Variants in ARHGEF10L observed in about 807,000 individuals in gnomAD.
ARHGEF10L encodes Rho guanine nucleotide exchange factor 10 like.
In ARHGEF10L, 69 loss-of-function variants were observed where a neutral mutation model predicts 141.2. That is an observed-to-expected ratio of 0.49 (90% CI 0.40 to 0.60). The LOEUF is 0.60. ARHGEF10L is among the 20% of genes least tolerant of loss of function. The probability of loss-of-function intolerance (pLI) is 0.00; values close to 1 mark genes in which losing one functional copy is unlikely to be tolerated. For missense variants in ARHGEF10L, 1,482 were observed against 1,734.3 expected, an observed-to-expected ratio of 0.85 and a Z score of 2.58; for synonymous variants, 711 against 718.5, an observed-to-expected ratio of 0.99 and a Z score of 0.17.
In ARHGEF10L at chr1:17,558,338, A is replaced by G. The variant is rs533498312; in HGVS notation, c.-44+18388A>G. Among the ~76,000 whole-genome samples, 21 of 152,302 alleles carry G rather than the reference A, an allele frequency of 1.4e-4. No homozygotes were observed. The highest frequency in any genetic ancestry group is 4.6e-4 in the African/African-American group (19 of 41,562). On this transcript the variant is annotated intron_variant, in intron 1 of 28. Coordinates refer to ENST00000361221, the MANE Select transcript of ARHGEF10L (RefSeq NM_018125.4). This position sits in a 1 kb window ranked among gnomAD's most constrained non-coding sequence, Gnocchi z 4.2. ...CCATCATCTCTTGAATCTCTTCGGC[A>G]TGCTAAGGACTGCCCTGGGTATTGG...
At position 17,607,948 on chromosome 1, in the gene ARHGEF10L, G is replaced by T; in HGVS notation, c.580G>T (p.Ala194Ser). 1 of 1,440,744 alleles carries T rather than the reference G, an allele frequency of 6.9e-7. No homozygotes were observed. Among genetic ancestry groups the T allele is most frequent in the Admixed American group, 2.5e-5 (1 of 39,774 alleles). 89.2% of individuals were successfully genotyped at this position (1,440,744 alleles called of 1,614,324 possible). A position where few individuals can be genotyped will look rare whatever the true frequency, so the allele number is the denominator to read the frequency against. The part of the protein sequence containing the change: ...EAKPEVEVEP[A>S]KHRVSFQPKL... ...CAAGCCGGAGGTCGAGGTCGAGCCC[G>T]CCAAGCACCGAGTGTCCTTCCAGCC... Residue 194 changes from alanine (A) to serine (S), a missense_variant, in exon 7 of 29, where the codon GCC becomes TCC. Ala to Ser is a moderately conservative substitution (Grantham distance 99). Around this residue, in one of 3 missense-constraint regions of ARHGEF10L, gnomAD observed 392 missense variants for 542.1 expected, o/e 0.72. Coordinates refer to ENST00000361221, the MANE Select transcript of ARHGEF10L (RefSeq NM_018125.4). This position sits in a 1 kb window ranked among gnomAD's most constrained non-coding sequence, Gnocchi z 4.5.
the ARHGEF10L span, among the ~76,000 whole-genome samples, chr1:17,524,364 TACACACACACACACACACACACACACAC>T: frequency 5.2e-5 from 6 of 116,030 alleles, no homozygotes; most frequent in South Asian, 3.2e-4. Flanking sequence ...ACCCCGTCTC[TACACACACACACACACACACACACACAC>T]ACACACACAC....
intron 1 of ARHGEF10L, among the ~76,000 whole-genome samples, chr1:17,549,574 G>A (rs1050372296): frequency 9.9e-5 from 15 of 152,108 alleles, no homozygotes; most frequent in African/African-American, 3.4e-4. Context: ...CCCCTGCAAG[G>A]ATCTGAGGGA....
chr1:17,523,619 G>A, the ARHGEF10L span, among the ~76,000 whole-genome samples: 1 of 152,140 alleles, frequency 6.6e-6, no homozygotes, highest in Non-Finnish European at 1.5e-5. Flanking sequence ...ACCACCCAAG[G>A]TCACACACTG....
the ARHGEF10L span, among the ~76,000 whole-genome samples, chr1:17,526,909 G>GA: frequency 7.7e-5 from 11 of 142,506 alleles, no homozygotes; most frequent in East Asian, 4.1e-4. Context: ...GTCTCCAAAA[G>GA]AAAAAAAAAA....
chr1:17,623,416 G>A lies in ARHGEF10L; in HGVS notation c.1200+241G>A, dbSNP rs1183808377. 6.6e-6 allele frequency among the ~76,000 whole-genome samples: 1 copy of A among 152,156 alleles called. No individual in the cohort carries two copies. Among genetic ancestry groups the A allele is most frequent in the Non-Finnish European group, 1.5e-5 (1 of 68,022 alleles). Reference sequence around the variant, plus strand: ...GCTGATGAAGCCAGGTGGCTGTCCTGGCTCCTCCCAGGTGGCAGCACCCCC... The same window carrying A: ...GCTGATGAAGCCAGGTGGCTGTCCTAGCTCCTCCCAGGTGGCAGCACCCCC... On this transcript the variant is annotated intron_variant, in intron 12 of 28. Coordinates refer to ENST00000361221, the MANE Select transcript of ARHGEF10L (RefSeq NM_018125.4). The surrounding 1 kb of genome is among the most constrained non-coding windows in gnomAD (Gnocchi z 4.7).
At chr1:17,557,726 G>A (rs572482794) in intron 1 of ARHGEF10L, among the ~76,000 whole-genome samples, 46 of 152,326 alleles carry the variant, frequency 3.0e-4, no homozygotes, top group African/African-American at 5.5e-4. Context: ...GCCTAGGTCC[G>A]GGGAAGGACT....
intron 4 of ARHGEF10L, among the ~76,000 whole-genome samples, chr1:17,589,137 A>G (rs1289363676): frequency 6.6e-6 from 1 of 152,072 alleles, no homozygotes; most frequent in Non-Finnish European, 1.5e-5. Flanking sequence ...ACAGGTCCTC[A>G]TGTCAGTCAA....
chr1:17,589,578 T>G (rs2079355160), intron 4 of ARHGEF10L, among the ~76,000 whole-genome samples: 1 of 152,230 alleles, frequency 6.6e-6, no homozygotes, highest in African/African-American at 2.4e-5. Context: ...AAGTCCTTCA[T>G]GTGCTCATTT....
In ARHGEF10L at chr1:17,627,500, C is replaced by T. The variant is rs747630646; in HGVS notation, c.1581C>T (p.Asn527=). 1 of 1,611,744 alleles carries T rather than the reference C, an allele frequency of 6.2e-7. No individual in the cohort carries two copies. The highest frequency in any genetic ancestry group is 8.5e-7 in the Non-Finnish European group (1 of 1,179,744). The change falls in exon 15 of 29, where the codon AAC becomes AAT. Residue 527 remains asparagine (N), a synonymous_variant. Coordinates refer to ENST00000361221, the MANE Select transcript of ARHGEF10L (RefSeq NM_018125.4). This position sits in a 1 kb window ranked among gnomAD's most constrained non-coding sequence, Gnocchi z 4.0. ...TKSVSDRSSL[N]KLLTSGQRQL... is the part of the protein sequence containing the mutation. Reference sequence around the variant, plus strand: ...GCGTCAGTGACCGCAGCAGCCTCAACAAGGTGAGCTGGGCCTCCCACCTGC... The same window carrying T: ...GCGTCAGTGACCGCAGCAGCCTCAATAAGGTGAGCTGGGCCTCCCACCTGC...
chr1:17,669,806 G>C (rs1207012038), intron 26 of ARHGEF10L, among the ~76,000 whole-genome samples: 2 of 152,266 alleles, frequency 1.3e-5, no homozygotes, highest in Non-Finnish European at 2.9e-5. Flanking sequence ...TGGAGGCACA[G>C]AAATGAGCAA....
chr1:17,601,845 G>A lies in ARHGEF10L; in HGVS notation c.258-282G>A, dbSNP rs370500678. Among the ~76,000 whole-genome samples, 3 of 152,180 alleles carry A rather than the reference G, an allele frequency of 2.0e-5. No individual in the cohort carries two copies. In the South Asian group the frequency reaches 6.2e-4, roughly 32 times the overall value. ...GGAGGTTCCCTTTGAGTCTGCACTAGGGAGAGACGAGACAGCCCCCTTGCG... is the reference window on the plus strand; with the variant it reads ...GGAGGTTCCCTTTGAGTCTGCACTAAGGAGAGACGAGACAGCCCCCTTGCG... On this transcript the variant is annotated intron_variant, in intron 4 of 28. Coordinates refer to ENST00000361221, the MANE Select transcript of ARHGEF10L (RefSeq NM_018125.4).
chr1:17,620,258 G>T (rs899658265), intron 10 of ARHGEF10L, among the ~76,000 whole-genome samples: 1 of 151,682 alleles, frequency 6.6e-6, no homozygotes, highest in Non-Finnish European at 1.5e-5. Flanking sequence ...TGCTGAGGTC[G>T]GGCAGCTTTG....
chr1:17,628,028 T>C (rs2060479969), intron 15 of ARHGEF10L, among the ~76,000 whole-genome samples: 1 of 149,228 alleles, frequency 6.7e-6, no homozygotes, highest in African/African-American at 2.5e-5. Context: ...CTTAGGAACA[T>C]GCTATTAAAA....
intron 1 of ARHGEF10L, among the ~76,000 whole-genome samples, chr1:17,557,273 G>T (rs1250256005): frequency 6.6e-6 from 1 of 151,744 alleles, no homozygotes; most frequent in Non-Finnish European, 1.5e-5. Context: ...AACCCAGGAG[G>T]GGGAGGTTGC....
intron 1 of ARHGEF10L, among the ~76,000 whole-genome samples, chr1:17,549,274 C>T (rs1487351399): frequency 1.3e-5 from 2 of 152,192 alleles, no homozygotes; most frequent in African/African-American, 4.8e-5. Flanking sequence ...TCTCCCACCT[C>T]AGCCTCCCAA....
At chr1:17,594,534 G>C (rs2079891125) in intron 4 of ARHGEF10L, among the ~76,000 whole-genome samples, 1 of 152,138 alleles carries the variant, frequency 6.6e-6, no homozygotes, top group Non-Finnish European at 1.5e-5. Flanking sequence ...CTGGAGTGCA[G>C]TGGCGTGATC....
At chr1:17,553,408 T>C (rs759960557) in intron 1 of ARHGEF10L, among the ~76,000 whole-genome samples, 12 of 152,302 alleles carry the variant, frequency 7.9e-5, no homozygotes, top group Non-Finnish European at 1.6e-4. Context: ...TTGCCACCTT[T>C]TTCTACTTCC....
the ARHGEF10L span, among the ~76,000 whole-genome samples, chr1:17,514,125 CTTTTTTTTTTTTTTT>C: frequency 0.017 from 695 of 40,534 alleles, 17 homozygotes; most frequent in Middle Eastern, 0.071. Context: ...CACCCAGCCT[CTTTTTTTTTTTTTTT>C]TTTTTTTTTT....
Sources: gnomAD v4.1 joint callset for allele counts (sites outside exome capture counted in the v4.1 genomes callset) on GRCh38, gnomAD v4.1.1 for gene constraint, gnomAD v4.1.1 regional missense constraint, Gnocchi (gnomAD v3.1) non-coding constraint, MANE v1.5 for transcripts, NCBI Gene and HGNC (gene_info 2026-07-23, HGNC 2026-07-21) for gene names.